Variants in CPED1 observed in about 807,000 individuals in gnomAD.
CPED1 encodes cadherin like and PC-esterase domain containing 1, also known as cadherin-like and PC-esterase domain-containing protein 1.
In CPED1, 114 loss-of-function variants were observed where a neutral mutation model predicts 128.2. The observed-to-expected ratio is 0.89, with a 90% confidence interval of 0.76 to 1.04. The LOEUF (loss-of-function observed/expected upper bound fraction) is 1.04, where lower values mean the gene tolerates loss of function less well. CPED1 is among the 50% of genes least tolerant of loss of function. The pLI, the probability that CPED1 is intolerant of heterozygous loss-of-function variation, is 0.00. For synonymous variants in CPED1, 462 were observed against 426.7 expected, an observed-to-expected ratio of 1.08 and a Z score of -1.02; for missense variants, 1,211 against 1,207.1, an observed-to-expected ratio of 1.00 and a Z score of -0.05.
chr7:121,140,999 G>C lies in CPED1; in HGVS notation c.1872G>C (p.Glu624Asp), dbSNP rs1169766697. The C allele has an allele frequency of 6.2e-7, 1 of 1,610,250 alleles. No individual in the cohort carries two copies. Among genetic ancestry groups the C allele is most frequent in the South Asian group, 1.1e-5 (1 of 90,430 alleles). The change falls in exon 15 of 23, where the codon GAG (glutamate) becomes GAC (aspartate). Residue 624 changes from glutamate to aspartate, a missense_variant. Transcript: ENST00000310396. ...PKCLCKVHLY[E>D]QAGPSFASYP... is the part of the protein sequence containing the mutation. ...GTCTGTGCAAGGTGCACCTGTACGA[G>C]CAGGCAGGGCCAAGGTATGAGATGT...
At chr7:121,048,002 ACTTTTTTGGCATTTGG>A (rs1793260509) in intron 4 of CPED1, among the ~76,000 whole-genome samples, 1 of 151,478 alleles carries the variant, frequency 6.6e-6, no homozygotes, top group Non-Finnish European at 1.5e-5. Context: ...CTAACTCTTC[ACTTTTTTGGCATTTGG>A]GCTGAGCACA....
intron 18 of CPED1, among the ~76,000 whole-genome samples, chr7:121,248,964 GC>G (rs1798604100): frequency 6.6e-6 from 1 of 152,124 alleles, no homozygotes; most frequent in Non-Finnish European, 1.5e-5. Flanking sequence ...AGATGAAATA[GC>G]CATTTTGAGA....
chr7:121,059,521 T>C (rs1180533902), intron 4 of CPED1, among the ~76,000 whole-genome samples: 2 of 152,200 alleles, frequency 1.3e-5, no homozygotes, highest in African/African-American at 4.8e-5. Flanking sequence ...TGTGTCACTC[T>C]TAATGTTCAG....
intron 16 of CPED1, among the ~76,000 whole-genome samples, chr7:121,158,466 AT>A (rs752829123): frequency 3.9e-5 from 6 of 152,002 alleles, no homozygotes; most frequent in Non-Finnish European, 7.4e-5. Flanking sequence ...TATTAGATGA[AT>A]TTCCTTTGAA....
chr7:121,087,946 C>T (rs1794474752), intron 5 of CPED1, among the ~76,000 whole-genome samples: 2 of 152,114 alleles, frequency 1.3e-5, no homozygotes, highest in Admixed American at 1.3e-4. Flanking sequence ...AGGCATGAAC[C>T]ACCATGCCTG....
At chr7:121,185,226 A>G (rs1796976702) in intron 16 of CPED1, among the ~76,000 whole-genome samples, 1 of 152,134 alleles carries the variant, frequency 6.6e-6, no homozygotes, top group Non-Finnish European at 1.5e-5. Context: ...TGGCACAGAC[A>G]AATATAAATA....
chr7:121,130,057 G>T, intron 11 of CPED1, 68 bp from the exon 12 acceptor site: 1 of 1,202,876 alleles, frequency 8.3e-7, no homozygotes. Flanking sequence ...CTAAGTATAA[G>T]GCTGTTCATA....
chr7:121,260,705 G>A (rs1362006182), intron 18 of CPED1, among the ~76,000 whole-genome samples: 1 of 151,604 alleles, frequency 6.6e-6, no homozygotes, highest in Non-Finnish European at 1.5e-5. Context: ...TGGATTCATG[G>A]ACAATTAGCT....
intron 2 of CPED1, among the ~76,000 whole-genome samples, chr7:121,005,514 G>A (rs1171693585): frequency 7.3e-5 from 11 of 151,244 alleles, no homozygotes; most frequent in Non-Finnish European, 1.5e-4. Flanking sequence ...CGGGTGGGGG[G>A]CTGGGGAGGG....
chr7:121,287,459 G>A (rs1792608842), intron 22 of CPED1, among the ~76,000 whole-genome samples: 2 of 152,124 alleles, frequency 1.3e-5, no homozygotes, highest in South Asian at 2.1e-4. Context: ...GTAACAGCCA[G>A]GGAAGACATC....
intron 18 of CPED1, chr7:121,261,939 G>A: frequency 4.3e-6 from 2 of 470,440 alleles, no homozygotes; most frequent in Non-Finnish European, 3.8e-6. Flanking sequence ...TTGGATGTTT[G>A]TTTCCTCCAA....
intron 18 of CPED1, among the ~76,000 whole-genome samples, chr7:121,245,242 T>C (rs553673802): frequency 6.6e-6 from 1 of 152,350 alleles, no homozygotes; most frequent in African/African-American, 2.4e-5. Flanking sequence ...GGACATCTTC[T>C]TCATGGTGAT....
At chr7:121,018,878 A>G (rs1024049466) in intron 3 of CPED1, among the ~76,000 whole-genome samples, 1 of 152,116 alleles carries the variant, frequency 6.6e-6, no homozygotes, top group African/African-American at 2.4e-5. Context: ...CAATCAAACT[A>G]CAGAATTAAA....
chr7:121,219,034 T>C (rs1418256059), intron 16 of CPED1, among the ~76,000 whole-genome samples: 3 of 152,086 alleles, frequency 2.0e-5, no homozygotes, highest in Non-Finnish European at 4.4e-5. Context: ...GGTCAAAGTA[T>C]GAGAGAACCC....
At chr7:121,176,136 G>A (rs541802007) in intron 16 of CPED1, among the ~76,000 whole-genome samples, 2 of 140,536 alleles carry the variant, frequency 1.4e-5, no homozygotes, top group South Asian at 2.3e-4. Context: ...TAAATAACTC[G>A]AGAGTTTTAT....
chr7:121,175,475 A>AT (rs1379836953), intron 16 of CPED1, among the ~76,000 whole-genome samples: 1 of 152,076 alleles, frequency 6.6e-6, no homozygotes, highest in Non-Finnish European at 1.5e-5. Flanking sequence ...TAAAATTCCC[A>AT]TTTTATTGTG....
At chr7:121,160,542 G>A (rs985227737) in intron 16 of CPED1, among the ~76,000 whole-genome samples, 1 of 152,174 alleles carries the variant, frequency 6.6e-6, no homozygotes. Flanking sequence ...CTTCAAGAGG[G>A]AGAGAAAATT....
intron 5 of CPED1, among the ~76,000 whole-genome samples, chr7:121,079,984 T>G (rs541981259): frequency 6.6e-6 from 1 of 152,198 alleles, no homozygotes; most frequent in African/African-American, 2.4e-5. Context: ...AAGAAAGATA[T>G]TCAGTTTTTT....
At chr7:121,163,419 C>A (rs1315840917) in intron 16 of CPED1, among the ~76,000 whole-genome samples, 1 of 152,174 alleles carries the variant, frequency 6.6e-6, no homozygotes, top group African/African-American at 2.4e-5. Flanking sequence ...GGACAGGAAT[C>A]AAGGGAAACA....
Sources: allele counts gnomAD v4.1 joint callset (sites outside exome capture counted in the v4.1 genomes callset), GRCh38; gene constraint gnomAD v4.1.1; transcripts MANE v1.5; gene names NCBI Gene and HGNC (gene_info 2026-07-23, HGNC 2026-07-21).